Variants in GULP1 observed in about 807,000 individuals in gnomAD.
The protein encoded by GULP1 is PTB domain-containing engulfment adapter protein 1.
In GULP1, 19 loss-of-function variants were observed where a neutral mutation model predicts 40.9. The observed-to-expected ratio is 0.46, with a 90% CI of 0.32 to 0.68. The LOEUF is 0.68. Among genes scored for constraint, GULP1 ranks in the 30% least tolerant of loss-of-function variants. The pLI, the probability that GULP1 is intolerant of heterozygous loss-of-function variation, is 0.03. For synonymous variants in GULP1, 119 were observed against 117.6 expected, an observed-to-expected ratio of 1.01 and a Z score of -0.08; for missense variants, 312 against 362.2, an observed-to-expected ratio of 0.86 and a Z score of 1.12.
At chr2:188,550,057 T>A (rs1693050030) in intron 7 of GULP1, among the ~76,000 whole-genome samples, 1 of 151,736 alleles carries the variant, frequency 6.6e-6, no homozygotes, top group South Asian at 2.1e-4. Flanking sequence ...CAATTGGTAC[T>A]ATAGTTTTGC....
At chr2:188,566,820 AGG>A (rs1189669116) in intron 7 of GULP1, among the ~76,000 whole-genome samples, 15 of 146,126 alleles carry the variant, frequency 1.0e-4, no homozygotes, top group African/African-American at 3.5e-4. Context: ...AAAAAAAAAA[AGG>A]GGAAGGATAC....
intron 9 of GULP1, among the ~76,000 whole-genome samples, chr2:188,573,825 C>T (rs1192353926): frequency 6.6e-6 from 1 of 152,118 alleles, no homozygotes; most frequent in African/African-American, 2.4e-5. Context: ...ATGGTGTATG[C>T]AATTAATTTA....
At chr2:188,507,981 T>A (rs183265909) in intron 4 of GULP1, among the ~76,000 whole-genome samples, 363 of 152,144 alleles carry the variant, frequency 2.4e-3, no homozygotes, top group Non-Finnish European at 4.0e-3. Flanking sequence ...GGAAGTTTTT[T>A]ATATAATTTG....
intron 6 of GULP1, among the ~76,000 whole-genome samples, chr2:188,537,291 T>C (rs769364498): frequency 3.9e-5 from 6 of 152,110 alleles, no homozygotes; most frequent in Non-Finnish European, 5.9e-5. Flanking sequence ...TTCCAGCTTT[T>C]GCCGGTTCAG....
intron 2 of GULP1, among the ~76,000 whole-genome samples, chr2:188,446,390 T>G (rs919596131): frequency 2.6e-5 from 4 of 152,168 alleles, no homozygotes; most frequent in Admixed American, 2.0e-4. Flanking sequence ...AAGACCCTAT[T>G]ATGCAAACCG....
chr2:188,463,680 T>C (rs1400602876), intron 2 of GULP1, among the ~76,000 whole-genome samples: 1 of 152,060 alleles, frequency 6.6e-6, no homozygotes, highest in Non-Finnish European at 1.5e-5. Flanking sequence ...ATGCACTTCA[T>C]TGTTTTTATT....
intron 9 of GULP1, among the ~76,000 whole-genome samples, chr2:188,577,290 TC>T (rs1294422690): frequency 6.6e-6 from 1 of 152,134 alleles, no homozygotes; most frequent in African/African-American, 2.4e-5. Context: ...AACGTATATT[TC>T]ATTGTGGATA....
chr2:188,305,176 A>T (rs887566855), intron 1 of GULP1, among the ~76,000 whole-genome samples: 3 of 152,210 alleles, frequency 2.0e-5, no homozygotes, highest in Admixed American at 2.0e-4. Flanking sequence ...ACTTATGTTT[A>T]CCAGTTTATT....
chr2:188,554,055 C>T (rs1226115151), intron 7 of GULP1, among the ~76,000 whole-genome samples: 1 of 151,800 alleles, frequency 6.6e-6, no homozygotes, highest in African/African-American at 2.4e-5. Context: ...CTTGGTTAGT[C>T]TACTTAATGA....
At chr2:188,524,316 T>A (rs776291440) in intron 5 of GULP1, among the ~76,000 whole-genome samples, 20 of 152,164 alleles carry the variant, frequency 1.3e-4, no homozygotes, top group Non-Finnish European at 2.2e-4. Flanking sequence ...TTTGCAGGAT[T>A]TTGTATGTAT....
At chr2:188,299,244 G>C (rs1218573589) in intron 1 of GULP1, among the ~76,000 whole-genome samples, 1 of 142,840 alleles carries the variant, frequency 7.0e-6, no homozygotes, top group Non-Finnish European at 1.6e-5. Flanking sequence ...AGGTGACTAA[G>C]GATGACTAAG....
intron 4 of GULP1, among the ~76,000 whole-genome samples, chr2:188,486,235 T>C (rs1278119644): frequency 6.6e-6 from 1 of 152,064 alleles, no homozygotes; most frequent in Non-Finnish European, 1.5e-5. Flanking sequence ...ATTTTAATGG[T>C]CCAAGTATGT....
In GULP1 at chr2:188,529,552, C is replaced by T. The variant is rs191586303; in HGVS notation, c.261+357C>T. Among the ~76,000 whole-genome samples the T allele has an allele frequency of 4.7e-4, 72 of 152,234 alleles. 1 individual carries two copies. The highest frequency in any genetic ancestry group is 6.8e-3 in the Middle Eastern group (2 of 294). ...GTGTTATTAAAATATTCTGCATTGA[C>T]TTTTATTTCCTGTAGATGTAATCAG... On this transcript the variant is annotated intron_variant, in intron 6 of 11. Transcript: ENST00000409830.
In GULP1 at chr2:188,566,974, T is replaced by C. The variant is rs1697864207; in HGVS notation, c.400-2265T>C. On this transcript the variant is annotated intron_variant, in intron 7 of 11. Transcript: ENST00000409830. ...CCCATCACAAAGCGGGCAAAGGATA[T>C]GAAGAGACACTTCTCAAAAGAAGAC... 4.6e-5 allele frequency among the ~76,000 whole-genome samples: 7 copies of C among 151,816 alleles called. No homozygotes were observed. In the South Asian group the frequency reaches 1.5e-3, roughly 32 times the overall value.
intron 7 of GULP1, among the ~76,000 whole-genome samples, chr2:188,552,142 T>G (rs559913576): frequency 6.6e-6 from 1 of 152,006 alleles, no homozygotes; most frequent in Admixed American, 6.6e-5. Flanking sequence ...TGTTGATTAT[T>G]TATTTTTCTG....
intron 1 of GULP1, among the ~76,000 whole-genome samples, chr2:188,310,594 G>A (rs1444462468): frequency 6.6e-6 from 1 of 152,178 alleles, no homozygotes; most frequent in Non-Finnish European, 1.5e-5. Context: ...AGTTTGAGGT[G>A]TTTTGGGGAC....
chr2:188,501,240 G>T (rs895874083), intron 4 of GULP1, among the ~76,000 whole-genome samples: 1 of 151,858 alleles, frequency 6.6e-6, no homozygotes, highest in Admixed American at 6.6e-5. Context: ...CCCCCATGCT[G>T]TTCTCATGAT....
In GULP1 at chr2:188,383,826, G is replaced by A. The variant is rs1479132153; in HGVS notation, c.-108G>A. 1.3e-5 allele frequency: 2 copies of A among 152,098 alleles called. No homozygotes were observed. Among genetic ancestry groups the A allele is most frequent in the Admixed American group, 6.6e-5 (1 of 15,266 alleles). The allele number at this position is 152,098 out of a possible 1,614,324, so 9.4% of individuals were successfully genotyped here. A position where few individuals can be genotyped will look rare whatever the true frequency, so the allele number is the denominator to read the frequency against. On this transcript the variant is annotated 5_prime_UTR_variant, in exon 2 of 12. Coordinates refer to ENST00000409830, the MANE Select transcript of GULP1 (RefSeq NM_016315.4). ...TGATAGAAGAATTCTGATGGCAACT[G>A]TATGATAGAAGCTATATAAAGTCAA...
At chr2:188,589,279 A>G (rs1051325550) in intron 11 of GULP1, 2 of 152,306 alleles carry the variant, frequency 1.3e-5, no homozygotes, top group African/African-American at 2.4e-5. Context: ...CATGTATTCT[A>G]TCTGATGGCA....
Sources: gnomAD v4.1 joint callset for allele counts (sites outside exome capture counted in the v4.1 genomes callset) on GRCh38, gnomAD v4.1.1 for gene constraint, MANE v1.5 for transcripts, NCBI Gene and HGNC (gene_info 2026-07-23, HGNC 2026-07-21) for gene names.